The following SULF1 variants were observed in gnomAD, a reference collection of about 807,000 sequenced individuals.
The protein encoded by SULF1 is extracellular sulfatase Sulf-1.
A neutral mutation model predicts 110.5 loss-of-function variants in SULF1; 46 were observed. That is an observed-to-expected ratio of 0.42 (90% CI 0.33 to 0.53). The LOEUF is 0.53. SULF1 is among the 20% of genes least tolerant of loss of function. The probability of loss-of-function intolerance (pLI) is 0.12; values close to 1 mark genes in which losing one functional copy is unlikely to be tolerated. For missense variants in SULF1, 941 were observed against 1,094.2 expected, an observed-to-expected ratio of 0.86 and a Z score of 1.98; for synonymous variants, 371 against 387.1, an observed-to-expected ratio of 0.96 and a Z score of 0.49.
chr8:69,644,014 G>A (rs1471723333), intron 22 of SULF1, among the ~76,000 whole-genome samples: 1 of 152,184 alleles, frequency 6.6e-6, no homozygotes, highest in African/African-American at 2.4e-5. Flanking sequence ...TGGGGCAGGC[G>A]GTCAGTTCTT....
At chr8:69,604,611 C>A (rs189683243) in intron 12 of SULF1, among the ~76,000 whole-genome samples, 192 bp from the exon 13 acceptor site, 464 of 152,232 alleles carry the variant, frequency 3.0e-3, no homozygotes, top group Non-Finnish European at 4.8e-3. Context: ...TCATCTTCAT[C>A]CTACCCAGTT....
In SULF1 at chr8:69,573,825, C is replaced by G. The variant is rs149178156; in HGVS notation, c.173-2145C>G. Among the ~76,000 whole-genome samples the G allele has an allele frequency of 8.5e-4, 130 of 152,330 alleles. 2 individuals carry two copies. In the East Asian group the frequency reaches 0.01, roughly 12 times the overall value. On this transcript the variant is annotated intron_variant, in intron 5 of 22. Transcript: ENST00000402687. ...TTTAAAATCTCCCATAAGGCATATT[C>G]CTTTTTAGTTACTTCTTCACCATCA... is the stretch of plus-strand genomic sequence containing the variant.
At position 69,564,113 on chromosome 8, in the gene SULF1, T is replaced by C; in HGVS notation, c.138T>C (p.Ile46=). The C allele has an allele frequency of 6.2e-7, 1 of 1,614,188 alleles. No individual in the cohort carries two copies. The highest frequency in any genetic ancestry group is 8.5e-7 in the Non-Finnish European group (1 of 1,180,022). Residue 46 remains isoleucine, a synonymous_variant, in exon 5 of 23, where the codon ATT becomes ATC. Transcript: ENST00000402687. Reference sequence around the variant, plus strand: ...GAAAAAACATCCGACCCAACATTATTCTTGTGCTTACCGATGATCAAGATG... The same window carrying C: ...GAAAAAACATCCGACCCAACATTATCCTTGTGCTTACCGATGATCAAGATG... ...QERKNIRPNI[I]LVLTDDQDVE... is the part of the protein sequence containing the mutation.
chr8:69,615,035 T>TGATTTATCTA (rs1464793821), intron 13 of SULF1, among the ~76,000 whole-genome samples: 5 of 152,208 alleles, frequency 3.3e-5, no homozygotes, highest in Non-Finnish European at 7.3e-5. Context: ...ACTGATAAAC[T>TGATTTATCTA]TCAAGAGCAT....
intron 3 of SULF1, among the ~76,000 whole-genome samples, chr8:69,560,409 T>C (rs533562154): frequency 6.6e-6 from 1 of 152,092 alleles, no homozygotes; most frequent in Admixed American, 6.5e-5. Flanking sequence ...TTGACGGCCC[T>C]AAGCCACCCT....
At chr8:69,579,564 C>CAAAAAAA (rs1416643898) in intron 6 of SULF1, among the ~76,000 whole-genome samples, 6 of 105,088 alleles carry the variant, frequency 5.7e-5, no homozygotes, top group African/African-American at 1.8e-4. Context: ...CACACACACA[C>CAAAAAAA]AAAAAAAAAA....
At chr8:69,632,990 C>A (rs190578693) in intron 19 of SULF1, among the ~76,000 whole-genome samples, 1 of 150,350 alleles carries the variant, frequency 6.7e-6, no homozygotes, top group African/African-American at 2.5e-5. Context: ...TGTACTCCAG[C>A]CTGGGTGACA....
At position 69,589,118 on chromosome 8, in the gene SULF1, G is replaced by GGGA; in HGVS notation, c.711_712insGGA (p.Leu237_Tyr238insGly). On this transcript the variant is annotated inframe_insertion, in exon 8 of 23. Coordinates refer to ENST00000402687, the MANE Select transcript of SULF1 (RefSeq NM_001128205.2). ...ACTCAGCCCCACAGTTTTCTAAACT[G>GGGA]TACCCCAATGCTTCCCAACACATGT... 1 of 1,613,912 alleles carries GGGA rather than the reference G, an allele frequency of 6.2e-7. No individual in the cohort carries two copies. The highest frequency in any genetic ancestry group is 8.5e-7 in the Non-Finnish European group (1 of 1,179,904).
chr8:69,600,575 A>G (rs1481569203), intron 8 of SULF1, 28 bp from the exon 9 acceptor site: 1 of 1,580,236 alleles, frequency 6.3e-7, no homozygotes, highest in Non-Finnish European at 8.6e-7. Context: ...AGAAATATAT[A>G]GTAAGATTCC....
intron 8 of SULF1, chr8:69,597,172 C>T (rs1336290411): frequency 6.6e-6 from 1 of 152,228 alleles, no homozygotes; most frequent in African/African-American, 2.4e-5. Context: ...GGAAAGCAAG[C>T]TTTAATTATC....
chr8:69,556,449 A>C (rs1815122923), intron 3 of SULF1, among the ~76,000 whole-genome samples: 1 of 152,174 alleles, frequency 6.6e-6, no homozygotes, highest in Non-Finnish European at 1.5e-5. Flanking sequence ...ATCAGTGTGC[A>C]TCCATGCATG....
intron 3 of SULF1, among the ~76,000 whole-genome samples, chr8:69,558,939 A>G (rs1272966146): frequency 2.0e-5 from 3 of 152,206 alleles, no homozygotes; most frequent in Non-Finnish European, 4.4e-5. Flanking sequence ...AAAAAAAACT[A>G]TACTTTCCAA....
At chr8:69,651,672 G>T (rs753341193) in intron 22 of SULF1, among the ~76,000 whole-genome samples, 1 of 152,162 alleles carries the variant, frequency 6.6e-6, no homozygotes, top group South Asian at 2.1e-4. Flanking sequence ...TATATTAATA[G>T]ATTTGGTAAG....
At chr8:69,612,758 T>C (rs1200408434) in intron 13 of SULF1, among the ~76,000 whole-genome samples, 1 of 152,232 alleles carries the variant, frequency 6.6e-6, no homozygotes, top group Non-Finnish European at 1.5e-5. Flanking sequence ...TATTAGTCCT[T>C]TGTTGGATGC....
intron 13 of SULF1, among the ~76,000 whole-genome samples, chr8:69,610,713 A>G (rs1232599562): frequency 6.6e-6 from 1 of 152,250 alleles, no homozygotes; most frequent in Non-Finnish European, 1.5e-5. Flanking sequence ...AAACATGAGA[A>G]TAGGCATTTT....
At position 69,624,073 on chromosome 8, in the gene SULF1, C is replaced by T. The variant is rs746174102; in HGVS notation, c.1726C>T (p.Arg576Cys). Residue 576 changes from arginine (R) to cysteine (C), a missense_variant, in exon 15 of 23, where the codon CGT becomes TGT. Physicochemically the swap from Arg to Cys is radical, Grantham distance 180. Around this residue, in one of 3 missense-constraint regions of SULF1, gnomAD observed 822 missense variants for 934.3 expected, o/e 0.88. Transcript: ENST00000402687. ...QVLQPRNIAK[R>C]HDEGHKGPRD... ...GTTGCAACCAAGAAACATTGCTAAG[C>T]GTCATGATGAAGGCCACAAGGGGCC... The T allele has an allele frequency of 6.2e-6, 10 of 1,614,092 alleles. No homozygotes were observed. The highest frequency in any genetic ancestry group is 3.3e-5 in the Admixed American group (2 of 60,006).
intron 3 of SULF1, among the ~76,000 whole-genome samples, chr8:69,545,499 C>T (rs1423008409): frequency 1.3e-5 from 2 of 152,178 alleles, no homozygotes; most frequent in Non-Finnish European, 2.9e-5. Flanking sequence ...GGAACATTAG[C>T]CACTAGGGAC....
chr8:69,574,852 T>C (rs570359127), intron 5 of SULF1, among the ~76,000 whole-genome samples: 1 of 152,270 alleles, frequency 6.6e-6, no homozygotes, highest in Non-Finnish European at 1.5e-5. Context: ...CTCCTCCTGT[T>C]CTCATATGCG....
chr8:69,524,552 C>T (rs1387596759), intron 3 of SULF1, among the ~76,000 whole-genome samples: 1 of 152,098 alleles, frequency 6.6e-6, no homozygotes, highest in African/African-American at 2.4e-5. Context: ...ATGATCTAAT[C>T]CCCTCCACCA....
Sources: allele counts gnomAD v4.1 joint callset (sites outside exome capture counted in the v4.1 genomes callset), GRCh38; gene constraint gnomAD v4.1.1; regional missense constraint gnomAD v4.1.1; transcripts MANE v1.5; gene names NCBI Gene and HGNC (gene_info 2026-07-23, HGNC 2026-07-21).